IFT88: variants seen among roughly 807,000 people sequenced by gnomAD.
IFT88 encodes intraflagellar transport protein 88 homolog.
IFT88 carries 74 observed loss-of-function variants against 119.5 expected under a neutral mutation model. That is an observed-to-expected ratio of 0.62 (90% confidence interval 0.51 to 0.75). The LOEUF is 0.75. Ranked by LOEUF, IFT88 falls within the 30% of genes least tolerant of loss-of-function variation. The pLI, the probability that IFT88 is intolerant of heterozygous loss-of-function variation, is 0.00. For missense variants in IFT88, 961 were observed against 977.7 expected, an observed-to-expected ratio of 0.98 and a Z score of 0.23; for synonymous variants, 279 against 316.7, an observed-to-expected ratio of 0.88 and a Z score of 1.26.
intron 3 of IFT88, among the ~76,000 whole-genome samples, chr13:20,584,238 A>AT (rs2039236571): frequency 6.6e-6 from 1 of 152,058 alleles, no homozygotes; most frequent in Admixed American, 6.5e-5. Flanking sequence ...CATCTTAACA[A>AT]TATTAAGTCT....
At chr13:20,635,422 C>T (rs965833275) in intron 16 of IFT88, among the ~76,000 whole-genome samples, 1 of 152,152 alleles carries the variant, frequency 6.6e-6, no homozygotes, top group Non-Finnish European at 1.5e-5. Context: ...AGGCACATCA[C>T]AGTCACTATC....
chr13:20,567,972 C>T, intron 1 of IFT88: 1 of 711,442 alleles, frequency 1.4e-6, no homozygotes, highest in East Asian at 2.7e-5. Context: ...TGTCTTGGGC[C>T]ACACATGAAA....
At chr13:20,589,906 C>G (rs1304472811) in intron 4 of IFT88, 39 bp downstream of exon 4, 1 of 1,239,914 alleles carries the variant, frequency 8.1e-7, no homozygotes, top group East Asian at 2.3e-5. Flanking sequence ...GATGCTTTTT[C>G]TCATACAATA....
chr13:20,586,904 C>T (rs1253647122), intron 3 of IFT88, among the ~76,000 whole-genome samples: 1 of 45,760 alleles, frequency 2.2e-5, no homozygotes, highest in Admixed American at 2.8e-4. Context: ...TATGTTTTTT[C>T]CCATTTTTTT....
intron 13 of IFT88, chr13:20,614,316 G>A (rs912524700): frequency 4.6e-5 from 7 of 152,128 alleles, no homozygotes; most frequent in Non-Finnish European, 8.8e-5. Context: ...TTTTTGTGAT[G>A]AATGAGTGTT....
Position 20,685,987 on chromosome 13 carries a change from T to C in IFT88, c.2243-4718T>C, listed in dbSNP as rs148062316. Among the ~76,000 whole-genome samples the C allele has an allele frequency of 2.0e-3, 304 of 152,348 alleles. 1 individual carries two copies. Among genetic ancestry groups the C allele is most frequent in the African/African-American group, 6.9e-3 (288 of 41,568 alleles). ...ATCACATTATTTATGGTAGAAACAT[T>C]GGGAATAAACCAAATGTTCAACTGG... On this transcript the variant is annotated intron_variant, in intron 24 of 25. Coordinates refer to ENST00000351808, the MANE Select transcript of IFT88 (RefSeq NM_006531.5).
chr13:20,628,457 T>C lies in IFT88; in HGVS notation c.1300-2559T>C, dbSNP rs186602903. On this transcript the variant is annotated intron_variant, in intron 15 of 25. Coordinates refer to ENST00000351808, the MANE Select transcript of IFT88 (RefSeq NM_006531.5). The stretch of plus-strand genomic sequence containing the variant: ...TTTCAGGGAAACAAACAAGCTAACA[T>C]TGTTTATTTTTATTTTTTGTTTTGC... Among the ~76,000 whole-genome samples, 36 of 152,358 alleles carry C rather than the reference T, an allele frequency of 2.4e-4. No individual in the cohort carries two copies. In the East Asian group the frequency reaches 6.2e-3, roughly 26 times the overall value.
rs768646985 is a variant in IFT88, at chr13:20,583,070, A to T, written c.153+51A>T. The T allele has an allele frequency of 5.4e-6, 6 of 1,109,380 alleles. No individual in the cohort carries two copies. In the African/African-American group the frequency reaches 7.8e-5, roughly 14 times the overall value. The allele number at this position is 1,109,380 out of a possible 1,614,324, so 68.7% of individuals were successfully genotyped here. A position where few individuals can be genotyped will look rare whatever the true frequency, so the allele number is the denominator to read the frequency against. ...TTGTGGTAAAAAATACATAACATGAAATTTACCAGATTAACCATTTTCACC... is the reference window on the plus strand; with the variant it reads ...TTGTGGTAAAAAATACATAACATGATATTTACCAGATTAACCATTTTCACC... On this transcript the variant is annotated intron_variant, in intron 3 of 25. Coordinates refer to ENST00000351808, the MANE Select transcript of IFT88 (RefSeq NM_006531.5).
rs183211903 is a variant in IFT88 at position 20,597,762 on chromosome 13, T to C, written c.594+643T>C. Reference sequence around the variant, plus strand: ...CTCCGTCTCAAAAAAAAAATATATATATATATATTTTTTTTTTGATAACTT... The same window carrying C: ...CTCCGTCTCAAAAAAAAAATATATACATATATATTTTTTTTTTGATAACTT... On this transcript the variant is annotated intron_variant, in intron 9 of 25. Transcript: ENST00000351808. Among the ~76,000 whole-genome samples the C allele has an allele frequency of 3.1e-3, 461 of 148,876 alleles. 2 individuals carry two copies. The highest frequency in any genetic ancestry group is 0.011 in the African/African-American group (448 of 40,822).
chr13:20,581,896 G>C (rs74455368), intron 2 of IFT88, among the ~76,000 whole-genome samples: 1,713 of 150,768 alleles, frequency 0.011, 30 homozygotes, highest in African/African-American at 0.04. Flanking sequence ...AAATTAAGAA[G>C]ACTTGTATGC....
chr13:20,688,280 G>A (rs1028022561), intron 24 of IFT88, among the ~76,000 whole-genome samples: 1 of 152,220 alleles, frequency 6.6e-6, no homozygotes, highest in Admixed American at 6.5e-5. Context: ...CCGGGAGGTG[G>A]AGGTTGCAGT....
chr13:20,574,751 G>T (rs1280458277), intron 2 of IFT88, among the ~76,000 whole-genome samples: 1 of 152,142 alleles, frequency 6.6e-6, no homozygotes, highest in African/African-American at 2.4e-5. Flanking sequence ...AAAAGACTTA[G>T]ATCACCTGAA....
intron 11 of IFT88, among the ~76,000 whole-genome samples, chr13:20,601,492 C>G (rs971491718): frequency 1.3e-5 from 2 of 151,938 alleles, no homozygotes; most frequent in African/African-American, 2.4e-5. Context: ...GGTTATAGTT[C>G]CACAACTATA....
At chr13:20,590,005 A>G (rs1221274754) in intron 4 of IFT88, 138 bp downstream of exon 4, 2 of 485,786 alleles carry the variant, frequency 4.1e-6, no homozygotes, top group South Asian at 4.1e-5. Context: ...CAAACATTAT[A>G]CAAGTCTAGT....
intron 20 of IFT88, among the ~76,000 whole-genome samples, chr13:20,651,993 C>G (rs1157354699): frequency 6.6e-6 from 1 of 152,170 alleles, no homozygotes; most frequent in Non-Finnish European, 1.5e-5. Context: ...AAATACTCCA[C>G]TTACATGAAG....
intron 1 of IFT88, among the ~76,000 whole-genome samples, chr13:20,573,047 AAAG>A (rs1267606153): frequency 6.6e-6 from 1 of 152,162 alleles, no homozygotes; most frequent in Non-Finnish European, 1.5e-5. Context: ...ATGACAAAGA[AAAG>A]AAAGGTTTAA....
At chr13:20,608,144 T>C in intron 13 of IFT88, 1 of 437,474 alleles carries the variant, frequency 2.3e-6, no homozygotes, top group Non-Finnish European at 4.5e-6. Context: ...TTTGAACCAC[T>C]ATGACTTGTA....
intron 12 of IFT88, among the ~76,000 whole-genome samples, chr13:20,603,929 G>A (rs1213587475): frequency 5.3e-5 from 8 of 151,994 alleles, no homozygotes; most frequent in Admixed American, 5.2e-4. Context: ...GCCTGGTGGT[G>A]TGCACCTGTA....
chr13:20,689,600 A>G (rs1409457984), intron 24 of IFT88, among the ~76,000 whole-genome samples: 1 of 152,096 alleles, frequency 6.6e-6, no homozygotes, highest in Non-Finnish European at 1.5e-5. Context: ...GCCTGTTTGG[A>G]CCACTCCCTG....
Sources: gnomAD v4.1 joint callset for allele counts (sites outside exome capture counted in the v4.1 genomes callset) on GRCh38, gnomAD v4.1.1 for gene constraint, MANE v1.5 for transcripts, NCBI Gene and HGNC (gene_info 2026-07-23, HGNC 2026-07-21) for gene names.